The following NADK variants were observed in gnomAD, a reference collection of about 807,000 sequenced individuals.
The protein encoded by NADK is NAD kinase.
Under a neutral mutation model 49.8 loss-of-function variants are expected in NADK, and 22 were observed. The ratio of observed to expected loss-of-function variants is 0.44; its 90% CI spans 0.32 to 0.63. The LOEUF is 0.63. Among genes scored for constraint, NADK ranks in the 30% least tolerant of loss-of-function variants. The pLI is 0.06. For missense variants in NADK, 438 were observed against 609.4 expected (o/e 0.72, Z 2.96); for synonymous variants, 268 against 253.7 (o/e 1.06, Z -0.54).
At position 1,753,579 on chromosome 1, in the gene NADK, C is replaced by CG. The variant is rs1645403500; in HGVS notation, c.1171dup (p.Arg391ProfsTer29). On this transcript the variant is annotated frameshift_variant, in exon 11 of 12. Transcript: ENST00000341426. LOFTEE classifies it high-confidence loss of function. ...ATGCAGCCCACACCTGTCTCCATGGCGGATCTCTTGTCTCTTCCGTCCATC... is the reference window on the plus strand; with the variant it reads ...ATGCAGCCCACACCTGTCTCCATGGCGGGATCTCTTGTCTCTTCCGTCCATC... 1 of 1,612,374 alleles carries CG rather than the reference C, an allele frequency of 6.2e-7. No individual in the cohort carries two copies.
Position 1,752,792 on chromosome 1 carries a change from AGG to A in NADK, c.*110_*111del. ...CCCAGGCTCTAACCCAGCTACAGAA[AGG>A]AAGTGGCCGTGCCACTGAGACAGGC... On this transcript the variant is annotated 3_prime_UTR_variant, in exon 12 of 12. Transcript: ENST00000341426. The A allele has an allele frequency of 7.8e-7, 1 of 1,275,792 alleles. No homozygotes were observed. Among genetic ancestry groups the A allele is most frequent in the South Asian group, 1.4e-5 (1 of 69,338 alleles). 79.0% of individuals were successfully genotyped at this position (1,275,792 alleles called of 1,614,324 possible). A position where few individuals can be genotyped will look rare whatever the true frequency, so the allele number is the denominator to read the frequency against.
chr1:1,756,414 A>G, intron 5 of NADK, 71 bp from the exon 6 acceptor site: 1 of 1,608,458 alleles, frequency 6.2e-7, no homozygotes, highest in East Asian at 2.2e-5. Flanking sequence ...GTGCGCAGAC[A>G]CCAATGACAA....
chr1:1,753,200 T>C, intron 11 of NADK, 140 bp from the exon 12 acceptor site: 1 of 1,057,410 alleles, frequency 9.5e-7, no homozygotes, highest in Non-Finnish European at 1.4e-6. Flanking sequence ...GAGGCAGGCT[T>C]GAGCAGTGCC....
intron 7 of NADK, among the ~76,000 whole-genome samples, chr1:1,755,111 G>A (rs1002517455): frequency 2.0e-5 from 3 of 152,130 alleles, no homozygotes; most frequent in Non-Finnish European, 4.4e-5. Flanking sequence ...GAGCCACCGC[G>A]CCCGGCCGAC....
In NADK at chr1:1,778,370, G is replaced by A. The variant is rs1646276330; in HGVS notation, c.-122C>T. 6.6e-6 allele frequency: 1 copy of A among 150,604 alleles called. No individual in the cohort carries two copies. Among genetic ancestry groups the A allele is most frequent in the South Asian group, 2.0e-4 (1 of 5,020 alleles). The allele number at this position is 150,604 out of a possible 1,614,324, so 9.3% of individuals were successfully genotyped here. ...CCCCGCCGCCGCGCCGCCGCCAGCC[G>A]TCGCTACCTGGCCCTTGGCGCCCTG... is the stretch of plus-strand genomic sequence containing the variant. On this transcript the variant is annotated 5_prime_UTR_variant, in exon 1 of 12. The change creates a new upstream start codon in the 5' untranslated region. Coordinates refer to ENST00000341426, the MANE Select transcript of NADK (RefSeq NM_023018.5). This position sits in a 1 kb window ranked among gnomAD's most constrained non-coding sequence, Gnocchi z 4.9.
intron 1 of NADK, among the ~76,000 whole-genome samples, chr1:1,773,200 C>T (rs914883753): frequency 2.0e-5 from 3 of 151,314 alleles, no homozygotes; most frequent in East Asian, 2.0e-4. Context: ...AGTGCAATGG[C>T]GCAATCTTGG....
At chr1:1,768,247 G>A (rs1263524559) in intron 1 of NADK, among the ~76,000 whole-genome samples, 2 of 151,414 alleles carry the variant, frequency 1.3e-5, no homozygotes, top group African/African-American at 2.4e-5. Flanking sequence ...CTTGTAAGAA[G>A]AGACACCAGG....
intron 2 of NADK, 144 bp from the exon 3 acceptor site, chr1:1,762,179 G>T: frequency 1.4e-6 from 1 of 710,844 alleles, no homozygotes; most frequent in Non-Finnish European, 2.4e-6. Context: ...CCACACAATA[G>T]CCCTTGGAAG....
Position 1,754,300 on chromosome 1 carries a change from G to A in NADK, c.927C>T (p.Thr309=). The change falls in exon 9 of 12, where the codon ACC becomes ACT. Residue 309 remains threonine, a synonymous_variant. Coordinates refer to ENST00000341426, the MANE Select transcript of NADK (RefSeq NM_023018.5). The surrounding 1 kb of genome is among the most constrained non-coding windows in gnomAD (Gnocchi z 4.3). ...GGGCCTTACCGTCGCCCTGCACCGT[G>A]GTGATGAGGTGTCCGTCCAGGTAGA... The part of the protein sequence containing the change: ...VDVYLDGHLI[T]TVQGDGVIVS... The A allele has an allele frequency of 6.2e-7, 1 of 1,613,808 alleles. No individual in the cohort carries two copies. Among genetic ancestry groups the A allele is most frequent in the Non-Finnish European group, 8.5e-7 (1 of 1,179,950 alleles).
intron 5 of NADK, 63 bp from the exon 6 acceptor site, chr1:1,756,406 G>A (rs1182463228): frequency 6.2e-7 from 1 of 1,606,462 alleles, no homozygotes; most frequent in Non-Finnish European, 8.5e-7. Context: ...GTGGCGCAGT[G>A]CGCAGACACC....
rs1304393616 is a variant in NADK, at chr1:1,773,705, T to TGA, written c.-41+4583_-41+4584insTC. Among the ~76,000 whole-genome samples the TGA allele has an allele frequency of 4.6e-4, 49 of 106,368 alleles. 1 individual carries two copies. The East Asian group carries it at 9.8e-3, about 21-fold the overall frequency. 69.8% of individuals were successfully genotyped at this position (106,368 alleles called of 152,430 possible). A position where few individuals can be genotyped will look rare whatever the true frequency, so the allele number is the denominator to read the frequency against. ...GTGTGTGTGTGTGTGTGTGTGTGTG[T>TGA]GTGTGTGTGTGTGTGTGTGTGTGTG... On this transcript the variant is annotated intron_variant, in intron 1 of 11. Coordinates refer to ENST00000341426, the MANE Select transcript of NADK (RefSeq NM_023018.5).
intron 1 of NADK, among the ~76,000 whole-genome samples, chr1:1,774,670 G>A (rs1281849210): frequency 1.3e-5 from 2 of 152,070 alleles, no homozygotes; most frequent in Non-Finnish European, 2.9e-5. Flanking sequence ...CACCGTGCGC[G>A]GTCACCACTG....
chr1:1,754,506 C>T lies in NADK; in HGVS notation c.843+38G>A, dbSNP rs1645445035. The T allele has an allele frequency of 7.9e-7, 1 of 1,272,046 alleles. No homozygotes were observed. The highest frequency in any genetic ancestry group is 1.4e-5 in the African/African-American group (1 of 71,764). 78.8% of individuals were successfully genotyped at this position (1,272,046 alleles called of 1,614,324 possible). On this transcript the variant is annotated intron_variant, in intron 8 of 11. Transcript: ENST00000341426. This position sits in a 1 kb window ranked among gnomAD's most constrained non-coding sequence, Gnocchi z 4.3. ...ATCCCTGGGACCGAAGTCGCCCCAC[C>T]CTGGGCCCCTCACCGAGGCCGAGGC...
Position 1,778,315 on chromosome 1 carries a change from G to T in NADK, c.-67C>A, listed in dbSNP as rs943538616. The T allele has an allele frequency of 4.0e-5, 6 of 151,268 alleles. No individual in the cohort carries two copies. The highest frequency in any genetic ancestry group is 8.9e-5 in the Non-Finnish European group (6 of 67,774). The allele number at this position is 151,268 out of a possible 1,614,324, so 9.4% of individuals were successfully genotyped here. A position where few individuals can be genotyped will look rare whatever the true frequency, so the allele number is the denominator to read the frequency against. ...GTTCGCTGCCGCGGGCGCCTGCGGG[G>T]GCGTCTACATGCCGGACCGAGCCCG... On this transcript the variant is annotated 5_prime_UTR_variant, in exon 1 of 12. Coordinates refer to ENST00000341426, the MANE Select transcript of NADK (RefSeq NM_023018.5). This position sits in a 1 kb window ranked among gnomAD's most constrained non-coding sequence, Gnocchi z 4.9.
chr1:1,756,930 G>A (rs1321420519), intron 4 of NADK: 3 of 816,032 alleles, frequency 3.7e-6, no homozygotes, highest in Admixed American at 3.5e-5. Context: ...GTGGCCCCTT[G>A]ATCTCGGACT....
At chr1:1,780,182 G>C (rs532214784), upstream of NADK, 3 of 152,354 alleles carry the variant, frequency 2.0e-5, no homozygotes, top group Non-Finnish European at 4.4e-5. Context: ...TTTCTTTGGC[G>C]GGGGGAGAGG....
chr1:1,757,435 C>T (rs927236911), intron 3 of NADK, 125 bp from the exon 4 acceptor site: 57 of 823,884 alleles, frequency 6.9e-5, no homozygotes, highest in Non-Finnish European at 9.3e-5. Context: ...GAAACGTGCT[C>T]GGTGGCCACG....
intron 1 of NADK, among the ~76,000 whole-genome samples, chr1:1,772,434 G>C (rs1275735424): frequency 6.6e-6 from 1 of 152,074 alleles, no homozygotes; most frequent in Non-Finnish European, 1.5e-5. Flanking sequence ...AATGTGCTTG[G>C]ATTACAGGCA....
At chr1:1,779,476 C>A (rs1053824664), upstream of NADK, among the ~76,000 whole-genome samples, 3 of 152,096 alleles carry the variant, frequency 2.0e-5, no homozygotes, top group African/African-American at 7.2e-5. Context: ...CCCCCAGGTG[C>A]CAGACATTGT....
Sources: allele counts gnomAD v4.1 joint callset (sites outside exome capture counted in the v4.1 genomes callset), GRCh38; gene constraint gnomAD v4.1.1; non-coding constraint Gnocchi (gnomAD v3.1); transcripts MANE v1.5; gene names NCBI Gene and HGNC (gene_info 2026-07-23, HGNC 2026-07-21).